APAF1: variants seen among roughly 807,000 people sequenced by gnomAD.
APAF1 encodes apoptotic protease-activating factor 1.
Under a neutral mutation model 152.4 loss-of-function variants are expected in APAF1, and 91 were observed. The observed-to-expected ratio is 0.60, with a 90% CI of 0.50 to 0.71. APAF1 has a LOEUF of 0.71. APAF1 is among the 30% of genes least tolerant of loss of function. APAF1 has a pLI of 0.00. For missense variants in APAF1, 1,283 were observed against 1,472.0 expected, an observed-to-expected ratio of 0.87 and a Z score of 2.10; for synonymous variants, 484 against 494.1, an observed-to-expected ratio of 0.98 and a Z score of 0.27.
chr12:98,703,304 A>G, intron 17 of APAF1, 67 bp from the exon 18 acceptor site: 2 of 1,547,304 alleles, frequency 1.3e-6, no homozygotes, highest in Non-Finnish European at 1.8e-6. Context: ...TTGAAATGGG[A>G]GGATATTAGA....
chr12:98,657,752 T>C (rs1459796465), intron 4 of APAF1, among the ~76,000 whole-genome samples: 1 of 152,232 alleles, frequency 6.6e-6, no homozygotes, highest in African/African-American at 2.4e-5. Context: ...AGTTTGAATC[T>C]CAACTCTGCT....
At chr12:98,710,472 G>A (rs988044222) in intron 20 of APAF1, among the ~76,000 whole-genome samples, 14 of 152,126 alleles carry the variant, frequency 9.2e-5, no homozygotes, top group African/African-American at 2.9e-4. Flanking sequence ...AGGAGAGAGA[G>A]GAGCAGAATA....
rs1307798301 is a variant in APAF1, at chr12:98,664,863, C to T, written c.956-690C>T. Among the ~76,000 whole-genome samples the T allele has an allele frequency of 2.0e-5, 3 of 151,844 alleles. No individual in the cohort carries two copies. In the East Asian group the frequency reaches 5.8e-4, roughly 29 times the overall value. On this transcript the variant is annotated intron_variant, in intron 7 of 26. Transcript: ENST00000551964. Reference sequence around the variant, plus strand: ...TCTTACCCTTTTTCTATATCTTGAGCATTTTCCCATGTTGTTAAATATTTT... The same window carrying T: ...TCTTACCCTTTTTCTATATCTTGAGTATTTTCCCATGTTGTTAAATATTTT...
At chr12:98,659,431 T>A in intron 5 of APAF1, 88 bp downstream of exon 5, 1 of 1,362,608 alleles carries the variant, frequency 7.3e-7, no homozygotes, top group South Asian at 1.2e-5. Context: ...CATGCCTTTT[T>A]CCTGCTGTTC....
chr12:98,683,304 T>C (rs778942552), intron 15 of APAF1, 30 bp downstream of exon 15: 2 of 1,609,830 alleles, frequency 1.2e-6, no homozygotes, highest in Non-Finnish European at 1.7e-6. Flanking sequence ...ATTAGGTAGA[T>C]AAATTTGATT....
At chr12:98,726,203 GA>G (rs2097750373) in intron 25 of APAF1, among the ~76,000 whole-genome samples, 4 of 152,082 alleles carry the variant, frequency 2.6e-5, no homozygotes, top group Admixed American at 2.6e-4. Flanking sequence ...TTGACTTTTA[GA>G]AAACAATCTT....
chr12:98,688,889 A>T (rs2097701015), intron 16 of APAF1, among the ~76,000 whole-genome samples: 1 of 151,438 alleles, frequency 6.6e-6, no homozygotes, highest in Non-Finnish European at 1.5e-5. Context: ...ATCCTGGCCC[A>T]CCACAGTCTA....
At chr12:98,650,312 G>A (rs1358349427) in intron 4 of APAF1, among the ~76,000 whole-genome samples, 7 of 151,790 alleles carry the variant, frequency 4.6e-5, no homozygotes, top group Non-Finnish European at 2.9e-5. Flanking sequence ...GTGAAATCCC[G>A]TCTCTACCAA....
Position 98,683,140 on chromosome 12 carries a change from T to C in APAF1, c.2047-3T>C, listed in dbSNP as rs11832663. 7,519 of 1,612,306 alleles carry C rather than the reference T, an allele frequency of 4.7e-3. 322 individuals are homozygous for C. The African/African-American group carries it at 0.09, about 19-fold the overall frequency. On this transcript the variant is annotated splice_polypyrimidine_tract_variant and splice_region_variant and intron_variant, in intron 14 of 26. Coordinates refer to ENST00000551964, the MANE Select transcript of APAF1 (RefSeq NM_181861.2). ...TTGTAAATTTTTTCTCTTTTCTCTT[T>C]AGATTTGGAATTCTATGACTGGGGA... is the stretch of plus-strand genomic sequence containing the variant.
At chr12:98,669,233 A>C (rs1179448376) in intron 10 of APAF1, among the ~76,000 whole-genome samples, 1 of 152,076 alleles carries the variant, frequency 6.6e-6, no homozygotes, top group Non-Finnish European at 1.5e-5. Flanking sequence ...CTTTGTACCT[A>C]TGTTGTTTCC....
intron 26 of APAF1, among the ~76,000 whole-genome samples, 187 bp downstream of exon 26, chr12:98,727,503 C>T (rs1166559698): frequency 5.4e-5 from 8 of 148,280 alleles, no homozygotes; most frequent in Admixed American, 1.4e-4. Flanking sequence ...GCCATGCTTG[C>T]GCCACTTCAC....
rs780720806 is a variant in APAF1, at chr12:98,703,451, C to G, written c.2547C>G (p.Ser849=). The change falls in exon 18 of 27, where the codon TCC becomes TCG. Residue 849 remains serine, a synonymous_variant. Transcript: ENST00000551964. ...HHSTIQYCDF[S]PQNHLAVVAL... is the part of the protein sequence containing the mutation. ...GCACCATCCAGTACTGTGACTTCTC[C>G]CCACAAAACCATTTGGCAGTGGTTG... The G allele has an allele frequency of 6.2e-7, 1 of 1,614,016 alleles. No individual in the cohort carries two copies. The highest frequency in any genetic ancestry group is 1.7e-5 in the Admixed American group (1 of 60,006).
At chr12:98,708,485 C>A in intron 19 of APAF1, 100 bp from the exon 20 acceptor site, 1 of 1,199,562 alleles carries the variant, frequency 8.3e-7, no homozygotes, top group Non-Finnish European at 1.2e-6. Context: ...ACCTTTCTAG[C>A]ATCATAGGTA....
chr12:98,701,507 T>C (rs1190497012), intron 17 of APAF1, among the ~76,000 whole-genome samples: 1 of 152,242 alleles, frequency 6.6e-6, no homozygotes, highest in Admixed American at 6.5e-5. Flanking sequence ...TTGATAAAAC[T>C]TGTTATTGTT....
At chr12:98,718,455 G>C (rs1442892782) in intron 22 of APAF1, among the ~76,000 whole-genome samples, 1 of 151,912 alleles carries the variant, frequency 6.6e-6, no homozygotes, top group Non-Finnish European at 1.5e-5. Context: ...GGCTGGTCTT[G>C]AACTCCTGAT....
intron 17 of APAF1, 88 bp from the exon 18 acceptor site, chr12:98,703,283 A>G (rs2097717644): frequency 6.9e-7 from 1 of 1,453,536 alleles, no homozygotes; most frequent in Non-Finnish European, 9.6e-7. Flanking sequence ...TATTTTTTTC[A>G]GGACTTATAT....
intron 16 of APAF1, among the ~76,000 whole-genome samples, chr12:98,689,534 G>A (rs977385220): frequency 6.6e-6 from 1 of 151,804 alleles, no homozygotes; most frequent in Non-Finnish European, 1.5e-5. Flanking sequence ...CACCCAGGCC[G>A]GAGTGCAGTG....
At chr12:98,659,752 G>GAAAAAAAA (rs34536171) in intron 5 of APAF1, among the ~76,000 whole-genome samples, 1 of 89,914 alleles carries the variant, frequency 1.1e-5, no homozygotes, top group Non-Finnish European at 2.1e-5. Flanking sequence ...AACTCCATCA[G>GAAAAAAAA]AAAAAAAAAA....
At chr12:98,716,818 T>C (rs2097735258) in intron 22 of APAF1, among the ~76,000 whole-genome samples, 1 of 152,170 alleles carries the variant, frequency 6.6e-6, no homozygotes, top group Admixed American at 6.5e-5. Context: ...ACTGATAATC[T>C]AGTTTTCTTT....
Sources: gnomAD v4.1 joint callset for allele counts (sites outside exome capture counted in the v4.1 genomes callset) on GRCh38, gnomAD v4.1.1 for gene constraint, MANE v1.5 for transcripts, NCBI Gene and HGNC (gene_info 2026-07-23, HGNC 2026-07-21) for gene names.